The following PMM2 variants were observed in gnomAD, a reference collection of about 807,000 sequenced individuals.
PMM2 encodes the protein phosphomannomutase 2, also known as mannose-6-phosphate isomerase.
In PMM2, 35 loss-of-function variants were observed where a neutral mutation model predicts 33.2. The observed-to-expected ratio is 1.06, with a 90% CI of 0.81 to 1.40. The LOEUF is 1.40. Ranked by LOEUF, PMM2 falls within the 40% of genes most tolerant of loss-of-function variation. The pLI, the probability that PMM2 is intolerant of heterozygous loss-of-function variation, is 0.00. For synonymous variants in PMM2, 153 were observed against 114.7 expected, an observed-to-expected ratio of 1.33 and a Z score of -2.13; for missense variants, 386 against 306.0, an observed-to-expected ratio of 1.26 and a Z score of -1.95.
intron 7 of PMM2, chr16:8,832,524 G>C: frequency 1.0e-6 from 1 of 985,388 alleles, no homozygotes; most frequent in South Asian, 4.7e-5. Flanking sequence ...GACATCTGCA[G>C]GGAAGGGCAG....
intron 3 of PMM2, among the ~76,000 whole-genome samples, chr16:8,806,099 C>T (rs909837966): frequency 2.6e-5 from 4 of 152,122 alleles, no homozygotes; most frequent in Non-Finnish European, 5.9e-5. Flanking sequence ...GGTGATGAAG[C>T]AGAAAATGCT....
intron 7 of PMM2, among the ~76,000 whole-genome samples, chr16:8,813,325 G>T (rs1364566721): frequency 2.0e-5 from 3 of 152,204 alleles, no homozygotes; most frequent in African/African-American, 7.2e-5. Flanking sequence ...CTGCATGTTA[G>T]TTGAACCTTT....
intron 7 of PMM2, among the ~76,000 whole-genome samples, chr16:8,825,258 C>T (rs2060760233): frequency 6.6e-6 from 1 of 152,020 alleles, no homozygotes; most frequent in South Asian, 2.1e-4. Context: ...GTCTTGATCT[C>T]CTGACCTCGT....
At chr16:8,838,335 C>T (rs1170489383) in intron 7 of PMM2, among the ~76,000 whole-genome samples, 1 of 152,008 alleles carries the variant, frequency 6.6e-6, no homozygotes, top group Non-Finnish European at 1.5e-5. Flanking sequence ...TACTTCAGGC[C>T]ATCTGGATGT....
intron 7 of PMM2, among the ~76,000 whole-genome samples, chr16:8,827,875 G>GATATATA (rs2060784334): frequency 1.4e-5 from 1 of 71,772 alleles, no homozygotes; most frequent in Non-Finnish European, 2.9e-5. Flanking sequence ...TTATATATAT[G>GATATATA]TTATATAATA....
At chr16:8,839,404 A>C (rs1023094000) in intron 7 of PMM2, among the ~76,000 whole-genome samples, 3 of 152,024 alleles carry the variant, frequency 2.0e-5, no homozygotes, top group Non-Finnish European at 2.9e-5. Flanking sequence ...CTAGGGCGGC[A>C]GCTGTCAGAG....
chr16:8,835,830 T>C lies in PMM2; in HGVS notation c.640-11894T>C, dbSNP rs190853962. On this transcript the variant is annotated intron_variant, in intron 7 of 7. Transcript: ENST00000268261. Reference sequence around the variant, plus strand: ...AGATGGTAAGGGGTGCATGATTGGTTGCCAAGGAGGGAGTAGAGGTATCTT... The same window carrying C: ...AGATGGTAAGGGGTGCATGATTGGTCGCCAAGGAGGGAGTAGAGGTATCTT... 3.8e-3 allele frequency among the ~76,000 whole-genome samples: 583 copies of C among 151,928 alleles called. 8 individuals carry two copies. The highest frequency in any genetic ancestry group is 0.013 in the African/African-American group (520 of 41,456).
At position 8,822,854 on chromosome 16, in the gene PMM2, C is replaced by G. The variant is rs2060745509; in HGVS notation, c.639+9748C>G. Among the ~76,000 whole-genome samples, 6 of 152,188 alleles carry G rather than the reference C, an allele frequency of 3.9e-5. 1 individual carries two copies. The South Asian group carries it at 1.2e-3, about 32-fold the overall frequency. On this transcript the variant is annotated intron_variant, in intron 7 of 7. Transcript: ENST00000268261. Reference sequence around the variant, plus strand: ...CCTGCATGACAAAGGCATTAGTATTCTCATCTATAGTTTTAACAAATGAGT... The same window carrying G: ...CCTGCATGACAAAGGCATTAGTATTGTCATCTATAGTTTTAACAAATGAGT...
chr16:8,820,774 C>T (rs1266739073), intron 7 of PMM2, among the ~76,000 whole-genome samples: 1 of 152,206 alleles, frequency 6.6e-6, no homozygotes, highest in Admixed American at 6.5e-5. Flanking sequence ...TGGTCCACAA[C>T]CAGCGTCTGC....
At chr16:8,842,272 T>C (rs2060895600) in intron 7 of PMM2, 1 of 152,422 alleles carries the variant, frequency 6.6e-6, no homozygotes, top group African/African-American at 2.4e-5. Context: ...TGGAGGGGGA[T>C]ACCTGATATC....
chr16:8,817,676 T>C (rs1386972842), intron 7 of PMM2, among the ~76,000 whole-genome samples: 1 of 151,746 alleles, frequency 6.6e-6, no homozygotes, highest in Non-Finnish European at 1.5e-5. Flanking sequence ...ATGAGTATTA[T>C]TTAATGGAAG....
At chr16:8,820,043 C>T (rs919873203) in intron 7 of PMM2, among the ~76,000 whole-genome samples, 2 of 152,130 alleles carry the variant, frequency 1.3e-5, no homozygotes, top group African/African-American at 4.8e-5. Flanking sequence ...CTTAAAAATA[C>T]AAAAATTAGC....
At position 8,848,163 on chromosome 16, in the gene PMM2, ACTGTGCCTGGACC is replaced by A. The variant is rs1173161674; in HGVS notation, c.*341_*353del. On this transcript the variant is annotated 3_prime_UTR_variant, in exon 8 of 8. Coordinates refer to ENST00000268261, the MANE Select transcript of PMM2 (RefSeq NM_000303.3). ...ATTCTAGGATGATACAGAAAGAAAA[ACTGTGCCTGGACC>A]CTCCCTCTTGGTGGGTCTGTGGAAA... The A allele has an allele frequency of 5.8e-5, 17 of 293,980 alleles. No individual in the cohort carries two copies. Among genetic ancestry groups the A allele is most frequent in the African/African-American group, 2.0e-4 (9 of 45,538 alleles). The allele number at this position is 293,980 out of a possible 1,614,324, so 18.2% of individuals were successfully genotyped here.
At chr16:8,832,936 C>T in intron 7 of PMM2, 1 of 887,632 alleles carries the variant, frequency 1.1e-6, no homozygotes, top group Non-Finnish European at 1.3e-6. Flanking sequence ...CAACAAGGCG[C>T]CCAAGAGCTG....
chr16:8,808,138 C>G (rs956364105), intron 4 of PMM2: 3 of 152,174 alleles, frequency 2.0e-5, no homozygotes, highest in Non-Finnish European at 1.5e-5. Context: ...GCGCCTCCTG[C>G]TCAGCATCTC....
At chr16:8,846,348 C>T (rs996080266) in intron 7 of PMM2, among the ~76,000 whole-genome samples, 2 of 152,104 alleles carry the variant, frequency 1.3e-5, no homozygotes, top group Non-Finnish European at 2.9e-5. Flanking sequence ...GAGAAAAATC[C>T]CTTTTTTCTA....
chr16:8,827,825 A>G lies in PMM2; in HGVS notation c.639+14719A>G, dbSNP rs1213092924. 1.3e-3 allele frequency among the ~76,000 whole-genome samples: 131 copies of G among 100,558 alleles called. 5 individuals are homozygous for G. Among genetic ancestry groups the G allele is most frequent in the African/African-American group, 4.4e-3 (123 of 28,044 alleles). 66.0% of individuals were successfully genotyped at this position (100,558 alleles called of 152,430 possible). ...ATATTTATATATTTATATAATATAT[A>G]TTATATATATTGTATAATATATAAT... On this transcript the variant is annotated intron_variant, in intron 7 of 7. Coordinates refer to ENST00000268261, the MANE Select transcript of PMM2 (RefSeq NM_000303.3).
chr16:8,801,717 T>G, intron 1 of PMM2, 82 bp from the exon 2 acceptor site: 2 of 869,732 alleles, frequency 2.3e-6, no homozygotes. Flanking sequence ...ATAAGACTTA[T>G]GTACTTGTGT....
intron 7 of PMM2, among the ~76,000 whole-genome samples, chr16:8,842,886 G>A (rs975610835): frequency 6.6e-6 from 1 of 152,122 alleles, no homozygotes; most frequent in Admixed American, 6.5e-5. Flanking sequence ...ATGGTAATGG[G>A]CATGTGATCA....
Sources: allele counts gnomAD v4.1 joint callset (sites outside exome capture counted in the v4.1 genomes callset), GRCh38; gene constraint gnomAD v4.1.1; transcripts MANE v1.5; gene names NCBI Gene and HGNC (gene_info 2026-07-23, HGNC 2026-07-21).